The following NFE2L3 variants were observed in gnomAD, a reference collection of about 807,000 sequenced individuals.
NFE2L3 encodes nuclear factor erythroid 2-related factor 3.
A neutral mutation model predicts 23.5 loss-of-function variants in NFE2L3; 18 were observed. That is an observed-to-expected ratio of 0.77 (90% CI 0.53 to 1.13). NFE2L3 has a LOEUF of 1.13. Among genes scored for constraint, NFE2L3 ranks in the 50% most tolerant of loss-of-function variants. The pLI, the probability that NFE2L3 is intolerant of heterozygous loss-of-function variation, is 0.00. For synonymous variants in NFE2L3, 424 were observed against 354.5 expected (o/e 1.20, Z -2.20); for missense variants, 1,152 against 877.2 (o/e 1.31, Z -3.96).
At chr7:26,175,402 A>G (rs1187167261) in intron 1 of NFE2L3, among the ~76,000 whole-genome samples, 2 of 152,112 alleles carry the variant, frequency 1.3e-5, no homozygotes, top group Non-Finnish European at 2.9e-5. Context: ...AAATATTCAC[A>G]GTTATAGACA....
chr7:26,152,663 C>T lies in NFE2L3; in HGVS notation c.165C>T (p.Ser55=). The T allele has an allele frequency of 2.7e-6, 4 of 1,493,056 alleles. No individual in the cohort carries two copies. The highest frequency in any genetic ancestry group is 3.5e-6 in the Non-Finnish European group (4 of 1,128,966). The allele number at this position is 1,493,056 out of a possible 1,614,324, so 92.5% of individuals were successfully genotyped here. A position where few individuals can be genotyped will look rare whatever the true frequency, so the allele number is the denominator to read the frequency against. ...TGTTCCTGGGCGGCCCGGCCAGCTC[C>T]GCCTACGCGCTCAGCCCCTTCTCGG... ...ELLFLGGPAS[S]AYALSPFSAS... The change falls in exon 1 of 4, where the codon TCC becomes TCT. Residue 55 remains serine, a synonymous_variant. Coordinates refer to ENST00000056233, the MANE Select transcript of NFE2L3 (RefSeq NM_004289.7). This position sits in a 1 kb window ranked among gnomAD's most constrained non-coding sequence, Gnocchi z 4.4.
In NFE2L3 at chr7:26,178,103, C is replaced by T. The variant is rs1784446475; in HGVS notation, c.731C>T (p.Thr244Ile). ...AEKPDWEAEK[T>I]TESRNERHLN... ...AAACCTGACTGGGAGGCAGAAAAGA[C>T]CACTGAATCTAGAAATGAGGTAAGC... The change falls in exon 2 of 4, where the codon ACC (threonine) becomes ATC (isoleucine). Residue 244 changes from threonine to isoleucine, a missense_variant. Thr to Ile is a moderately conservative substitution (Grantham distance 89). Transcript: ENST00000056233. 8 of 1,613,250 alleles carry T rather than the reference C, an allele frequency of 5.0e-6. No individual in the cohort carries two copies. The highest frequency in any genetic ancestry group is 6.8e-6 in the Non-Finnish European group (8 of 1,179,718).
rs879076743 is a variant in NFE2L3 at position 26,156,810 on chromosome 7, C to T, written c.570+3742C>T. On this transcript the variant is annotated intron_variant, in intron 1 of 3. Coordinates refer to ENST00000056233, the MANE Select transcript of NFE2L3 (RefSeq NM_004289.7). ...TCTGGTAAGACCTCTTGATTAACTG[C>T]CTGAAGAAACTGTTGGGCTGGGCCG... Among the ~76,000 whole-genome samples the T allele has an allele frequency of 2.6e-5, 4 of 152,234 alleles. No homozygotes were observed. The South Asian group carries it at 6.2e-4, about 24-fold the overall frequency.
chr7:26,160,282 A>G (rs894809412), intron 1 of NFE2L3, among the ~76,000 whole-genome samples: 2 of 152,148 alleles, frequency 1.3e-5, no homozygotes, highest in Non-Finnish European at 2.9e-5. Context: ...TTCAAATACA[A>G]TTCCAGGCAG....
In NFE2L3 at chr7:26,185,209, C is replaced by T. The variant is rs143155770; in HGVS notation, c.1511C>T (p.Pro504Leu). The T allele has an allele frequency of 8.7e-6, 14 of 1,613,922 alleles. No homozygotes were observed. In the East Asian group the frequency reaches 2.9e-4, roughly 33 times the overall value. Residue 504 changes from proline to leucine, a missense_variant, in exon 4 of 4, where the codon CCA becomes CTA. Transcript: ENST00000056233. ...VFHNHTYHLQ[P>L]TAPESTSEPF... ...CATAACCACACTTACCACTTACAGC[C>T]AACTGCACCAGAATCTACTTCTGAA...
In NFE2L3 at chr7:26,186,724, A is replaced by G. The variant is rs1427987664; in HGVS notation, c.*941A>G. On this transcript the variant is annotated 3_prime_UTR_variant, in exon 4 of 4. Transcript: ENST00000056233. ...ACTGTAAGCCATATAAACAGTAGGG[A>G]AAGAGTCAGCAACAGTGAAACCATC... is the stretch of plus-strand genomic sequence containing the variant. 2.0e-5 allele frequency: 3 copies of G among 152,260 alleles called. No homozygotes were observed. Among genetic ancestry groups the G allele is most frequent in the South Asian group, 4.1e-4 (2 of 4,832 alleles). 9.4% of individuals were successfully genotyped at this position (152,260 alleles called of 1,614,324 possible).
intron 1 of NFE2L3, among the ~76,000 whole-genome samples, chr7:26,176,347 A>G (rs1372949591): frequency 1.3e-5 from 2 of 151,546 alleles, no homozygotes; most frequent in African/African-American, 2.4e-5. Flanking sequence ...CATCGTCATC[A>G]TGGCCCATTC....
At chr7:26,156,052 A>G (rs1784076747) in intron 1 of NFE2L3, among the ~76,000 whole-genome samples, 1 of 152,162 alleles carries the variant, frequency 6.6e-6, no homozygotes, top group Non-Finnish European at 1.5e-5. Context: ...GTTATTGAAG[A>G]AGTGGGGTAT....
In NFE2L3 at chr7:26,152,647, G is replaced by A; in HGVS notation, c.149G>A (p.Gly50Asp). Residue 50 changes from glycine (G) to aspartate (D), a missense_variant, in exon 1 of 4, where the codon GGC (glycine) becomes GAC (aspartate). Transcript: ENST00000056233. The surrounding 1 kb of genome is among the most constrained non-coding windows in gnomAD (Gnocchi z 4.4). Reference protein sequence around the residue: ...TLLQDELLFLGGPASSAYALS... With the variant: ...TLLQDELLFLDGPASSAYALS... ...CTGCAGGACGAGCTGCTGTTCCTGG[G>A]CGGCCCGGCCAGCTCCGCCTACGCG... 1 of 1,513,360 alleles carries A rather than the reference G, an allele frequency of 6.6e-7. No individual in the cohort carries two copies. Among genetic ancestry groups the A allele is most frequent in the Non-Finnish European group, 8.8e-7 (1 of 1,139,922 alleles). The allele number at this position is 1,513,360 out of a possible 1,614,324, so 93.7% of individuals were successfully genotyped here.
At chr7:26,178,875 G>C (rs778622800) in intron 2 of NFE2L3, among the ~76,000 whole-genome samples, 1 of 151,954 alleles carries the variant, frequency 6.6e-6, no homozygotes, top group Non-Finnish European at 1.5e-5. Flanking sequence ...TTGCCCTGAC[G>C]GTTTTCTTAG....
At position 26,185,103 on chromosome 7, in the gene NFE2L3, T is replaced by C. The variant is rs2128100779; in HGVS notation, c.1405T>C (p.Tyr469His). ...HDLEGAVGGY[Y>H]PEPSKLCHLD... ...CTTAGAAGGTGCTGTAGGTGGCTACTACCCAGAACCCAGTAAGCTTTGTCA... is the reference window on the plus strand; with the variant it reads ...CTTAGAAGGTGCTGTAGGTGGCTACCACCCAGAACCCAGTAAGCTTTGTCA... The change falls in exon 4 of 4, where the codon TAC (tyrosine) becomes CAC (histidine). Residue 469 changes from tyrosine to histidine, a missense_variant. Transcript: ENST00000056233. 2 of 1,613,942 alleles carry C rather than the reference T, an allele frequency of 1.2e-6. No homozygotes were observed. The highest frequency in any genetic ancestry group is 1.7e-6 in the Non-Finnish European group (2 of 1,179,834).
intron 2 of NFE2L3, among the ~76,000 whole-genome samples, chr7:26,180,496 T>C (rs983660695): frequency 6.6e-6 from 1 of 152,220 alleles, no homozygotes; most frequent in African/African-American, 2.4e-5. Flanking sequence ...CCATGGACTT[T>C]TATATTAAAA....
At chr7:26,179,340 A>C (rs937039984) in intron 2 of NFE2L3, among the ~76,000 whole-genome samples, 6 of 151,986 alleles carry the variant, frequency 3.9e-5, no homozygotes, top group Admixed American at 2.6e-4. Context: ...ATCTCCACAA[A>C]AATTACAAAA....
chr7:26,153,489 C>A (rs947017312), intron 1 of NFE2L3, among the ~76,000 whole-genome samples: 1 of 152,142 alleles, frequency 6.6e-6, no homozygotes, highest in Non-Finnish European at 1.5e-5. Context: ...TTTTTAAGAA[C>A]GACTCTCCCG....
chr7:26,177,583 G>A (rs1423958693), intron 1 of NFE2L3, among the ~76,000 whole-genome samples: 1 of 152,244 alleles, frequency 6.6e-6, no homozygotes, highest in Admixed American at 6.5e-5. Context: ...AGCAATGGAG[G>A]GAGACCGTCG....
chr7:26,184,422 C>A, intron 3 of NFE2L3, 111 bp from the exon 4 acceptor site: 2 of 946,418 alleles, frequency 2.1e-6, no homozygotes, highest in Non-Finnish European at 3.2e-6. Flanking sequence ...GCATCTATCT[C>A]TATTAAATGT....
At chr7:26,165,853 A>T (rs958218044) in intron 1 of NFE2L3, among the ~76,000 whole-genome samples, 2 of 152,176 alleles carry the variant, frequency 1.3e-5, no homozygotes, top group South Asian at 2.1e-4. Context: ...AGTTTTTAGC[A>T]TGAAGGGTTG....
At position 26,185,157 on chromosome 7, in the gene NFE2L3, G is replaced by A. The variant is rs764608432; in HGVS notation, c.1459G>A (p.Gly487Arg). ...HLDQSDSDFH[G>R]DLTFQHVFHN... ...GGATCAAAGTGATTCTGATTTCCAT[G>A]GAGATCTTACATTTCAACACGTATT... Residue 487 changes from glycine (G) to arginine (R), a missense_variant, in exon 4 of 4, where the codon GGA (glycine) becomes AGA (arginine). Coordinates refer to ENST00000056233, the MANE Select transcript of NFE2L3 (RefSeq NM_004289.7). 2 of 1,613,800 alleles carry A rather than the reference G, an allele frequency of 1.2e-6. No homozygotes were observed. The highest frequency in any genetic ancestry group is 1.1e-5 in the South Asian group (1 of 91,052).
chr7:26,176,218 T>G (rs1355121066), intron 1 of NFE2L3, among the ~76,000 whole-genome samples: 3 of 152,204 alleles, frequency 2.0e-5, no homozygotes, highest in Admixed American at 2.0e-4. Context: ...AGAAGAATTT[T>G]TCTTAGTACA....
Sources: allele counts gnomAD v4.1 joint callset (sites outside exome capture counted in the v4.1 genomes callset), GRCh38; gene constraint gnomAD v4.1.1; non-coding constraint Gnocchi (gnomAD v3.1); transcripts MANE v1.5; gene names NCBI Gene and HGNC (gene_info 2026-07-23, HGNC 2026-07-21).